The following MYOM2 variants were observed in gnomAD, a reference collection of about 807,000 sequenced individuals.
MYOM2 encodes myomesin 2.
MYOM2 carries 254 observed loss-of-function variants against 187.6 expected under a neutral mutation model. The ratio of observed to expected loss-of-function variants is 1.35; its 90% CI spans 1.22 to 1.50. The LOEUF is 1.50. Among genes scored for constraint, MYOM2 ranks in the 40% most tolerant of loss-of-function variants. MYOM2 has a pLI of 0.00. For missense variants in MYOM2, 2,796 were observed against 1,924.0 expected, an observed-to-expected ratio of 1.45 and a Z score of -8.48; for synonymous variants, 981 against 753.8, an observed-to-expected ratio of 1.30 and a Z score of -4.94.
In MYOM2 at chr8:2,085,372, C is replaced by T. The variant is rs752177653; in HGVS notation, c.1626C>T (p.Leu542=). 14 of 1,612,644 alleles carry T rather than the reference C, an allele frequency of 8.7e-6. No homozygotes were observed. Among genetic ancestry groups the T allele is most frequent in the African/African-American group, 1.3e-5 (1 of 74,462 alleles). The change falls in exon 14 of 37, where the codon CTC becomes CTT. Residue 542 remains leucine, a synonymous_variant. Coordinates refer to ENST00000262113, the MANE Select transcript of MYOM2 (RefSeq NM_003970.4). ...CCACTCCCCGTGGCAAGGACCCGCT[C>T]ATGTACTTCATTGAGAAGGTAAACT... ...EPPTPRGKDP[L]MYFIEKSVVG...
intron 32 of MYOM2, 66 bp from the exon 33 acceptor site, chr8:2,140,657 C>T (rs1219693039): frequency 3.9e-6 from 6 of 1,540,912 alleles, no homozygotes; most frequent in Middle Eastern, 1.7e-4. Flanking sequence ...GGGACATTGC[C>T]CTGTAGACAT....
intron 32 of MYOM2, among the ~76,000 whole-genome samples, chr8:2,135,379 G>A (rs78058119): frequency 0.13 from 19,761 of 151,962 alleles, 2,157 homozygotes; most frequent in African/African-American, 0.28. Flanking sequence ...GTTACTGTTC[G>A]TATTTTGTTT....
chr8:2,068,733 G>C (rs1290550630), intron 6 of MYOM2, among the ~76,000 whole-genome samples: 2 of 152,208 alleles, frequency 1.3e-5, no homozygotes, highest in East Asian at 3.9e-4. Flanking sequence ...ACGACTCCCT[G>C]TATGGGAACG....
chr8:2,047,900 A>G (rs118169003), intron 1 of MYOM2, among the ~76,000 whole-genome samples: 526 of 152,324 alleles, frequency 3.5e-3, no homozygotes, highest in East Asian at 0.027. Flanking sequence ...AGTGATACAT[A>G]GGTTGCATTG....
At chr8:2,082,429 A>G (rs1053578423) in intron 13 of MYOM2, among the ~76,000 whole-genome samples, 1 of 152,124 alleles carries the variant, frequency 6.6e-6, no homozygotes, top group Non-Finnish European at 1.5e-5. Context: ...TTAGCTAGAA[A>G]ATACTTGGTA....
intron 32 of MYOM2, among the ~76,000 whole-genome samples, chr8:2,130,510 A>G (rs931999555): frequency 1.3e-5 from 2 of 152,238 alleles, no homozygotes; most frequent in African/African-American, 4.8e-5. Context: ...GGTTATGACT[A>G]TTTCACTTTT....
intron 15 of MYOM2, 31 bp from the exon 16 acceptor site, chr8:2,092,314 AT>A (rs768615653): frequency 1.2e-6 from 2 of 1,607,878 alleles, no homozygotes; most frequent in South Asian, 2.2e-5. Flanking sequence ...CTCTGATGCC[AT>A]TTCACCACTC....
At chr8:2,094,170 A>G in intron 17 of MYOM2, 79 bp downstream of exon 17, 2 of 1,545,100 alleles carry the variant, frequency 1.3e-6, no homozygotes, top group Non-Finnish European at 1.8e-6. Context: ...TTGTGATGCC[A>G]TTTGGAATGT....
chr8:2,079,489 A>C, intron 12 of MYOM2, 71 bp from the exon 13 acceptor site: 1 of 1,472,528 alleles, frequency 6.8e-7, no homozygotes, highest in Non-Finnish European at 9.5e-7. Context: ...GAGCTGGCAC[A>C]GAATGAGGGA....
At chr8:2,088,388 G>T (rs141836495) in intron 14 of MYOM2, among the ~76,000 whole-genome samples, 4 of 152,222 alleles carry the variant, frequency 2.6e-5, no homozygotes, top group Non-Finnish European at 5.9e-5. Context: ...CGTCACCCAG[G>T]TAGTGAGCAC....
chr8:2,119,715 A>T (rs1035726851), intron 28 of MYOM2, among the ~76,000 whole-genome samples: 1 of 152,082 alleles, frequency 6.6e-6, no homozygotes, highest in African/African-American at 2.4e-5. Context: ...AATCCTATTT[A>T]TAGGCAGAGG....
chr8:2,112,402 G>C (rs775029306), intron 25 of MYOM2, among the ~76,000 whole-genome samples: 2 of 151,326 alleles, frequency 1.3e-5, no homozygotes, highest in Non-Finnish European at 2.9e-5. Flanking sequence ...GGGTCGGGGG[G>C]TGGGGGTCAG....
In MYOM2 at chr8:2,123,739, T is replaced by C. The variant is rs1049719811; in HGVS notation, c.3655+97T>C. The C allele has an allele frequency of 9.9e-5, 100 of 1,006,376 alleles. No homozygotes were observed. The African/African-American group carries it at 1.4e-3, about 14-fold the overall frequency. 62.3% of individuals were successfully genotyped at this position (1,006,376 alleles called of 1,614,324 possible). A position where few individuals can be genotyped will look rare whatever the true frequency, so the allele number is the denominator to read the frequency against. ...GCAGGTCTATGTCTAGCCTCAGCTA[T>C]AGCACACATTGTGTCTTTAGCAGTA... On this transcript the variant is annotated intron_variant, in intron 30 of 36. Transcript: ENST00000262113.
Position 2,108,835 on chromosome 8 carries a change from G to A in MYOM2, c.3043+5G>A, listed in dbSNP as rs1184983868. Reference sequence around the variant, plus strand: ...GCAATGAAATAAAGAACCCCAGTAAGTAAGCCTCCAGCCCTTCCCCTCTGC... The same window carrying A: ...GCAATGAAATAAAGAACCCCAGTAAATAAGCCTCCAGCCCTTCCCCTCTGC... On this transcript the variant is annotated splice_donor_5th_base_variant and intron_variant, in intron 24 of 36. Coordinates refer to ENST00000262113, the MANE Select transcript of MYOM2 (RefSeq NM_003970.4). 6.2e-7 allele frequency: 1 copy of A among 1,613,918 alleles called. No homozygotes were observed. Among genetic ancestry groups the A allele is most frequent in the Admixed American group, 1.7e-5 (1 of 59,990 alleles).
chr8:2,076,817 C>T (rs1405520715), intron 11 of MYOM2, among the ~76,000 whole-genome samples: 2 of 152,198 alleles, frequency 1.3e-5, no homozygotes, highest in Admixed American at 6.5e-5. Context: ...TGATAACTTA[C>T]ATTTAGGTCA....
intron 17 of MYOM2, among the ~76,000 whole-genome samples, chr8:2,094,525 G>A (rs1027330485): frequency 6.6e-6 from 1 of 152,114 alleles, no homozygotes; most frequent in African/African-American, 2.4e-5. Flanking sequence ...GGTGGCGGGC[G>A]CCTGTAGTCC....
At chr8:2,047,101 T>G (rs1056031268) in intron 1 of MYOM2, among the ~76,000 whole-genome samples, 1 of 152,146 alleles carries the variant, frequency 6.6e-6, no homozygotes, top group Admixed American at 6.5e-5. Context: ...AATCGGGAAT[T>G]GGAAACTCTT....
chr8:2,119,186 T>C (rs1351950579), intron 28 of MYOM2: 3 of 152,322 alleles, frequency 2.0e-5, no homozygotes, highest in Non-Finnish European at 4.4e-5. Context: ...TGTGGATTCA[T>C]GAGATATCGT....
At position 2,108,775 on chromosome 8, in the gene MYOM2, C is replaced by G. The variant is rs747439083; in HGVS notation, c.2999-11C>G. 6.2e-7 allele frequency: 1 copy of G among 1,613,590 alleles called. No individual in the cohort carries two copies. The stretch of plus-strand genomic sequence containing the variant: ...GTCCAGATGAATTGAAATACTTTTT[C>G]TTCGTTTTAGAGCTCGAGCGTTTGA... On this transcript the variant is annotated splice_polypyrimidine_tract_variant and intron_variant, in intron 23 of 36. Transcript: ENST00000262113.
Sources: gnomAD v4.1 joint callset for allele counts (sites outside exome capture counted in the v4.1 genomes callset) on GRCh38, gnomAD v4.1.1 for gene constraint, MANE v1.5 for transcripts, NCBI Gene and HGNC (gene_info 2026-07-23, HGNC 2026-07-21) for gene names.